MCPH1: variants seen among roughly 807,000 people sequenced by gnomAD.
MCPH1 encodes the protein microcephalin.
A neutral mutation model predicts 84.5 loss-of-function variants in MCPH1; 104 were observed. The observed-to-expected ratio is 1.23, with a 90% CI of 1.05 to 1.45. The LOEUF (loss-of-function observed/expected upper bound fraction) is 1.45. Ranked by LOEUF, MCPH1 falls within the 40% of genes most tolerant of loss-of-function variation. MCPH1 has a pLI of 0.00. For missense variants in MCPH1, 1,498 were observed against 1,005.7 expected, an observed-to-expected ratio of 1.49 and a Z score of -6.62; for synonymous variants, 514 against 366.8, an observed-to-expected ratio of 1.40 and a Z score of -4.58.
intron 12 of MCPH1, among the ~76,000 whole-genome samples, chr8:6,578,262 C>T (rs2129576879): frequency 6.6e-6 from 1 of 152,280 alleles, no homozygotes. Context: ...AAGCACTCAG[C>T]CAGAGCCTGC....
chr8:6,445,013 C>T lies in MCPH1; in HGVS notation c.1291C>T (p.Pro431Ser), dbSNP rs376658910. 2.8e-5 allele frequency: 45 copies of T among 1,614,086 alleles called. No homozygotes were observed. Among genetic ancestry groups the T allele is most frequent in the Non-Finnish European group, 3.6e-5 (42 of 1,180,048 alleles). The stretch of plus-strand genomic sequence containing the variant: ...GGAAAGGTATTCAGAGAATCTTCCT[C>T]CTGAATCTCAGCTGCCATCAAGCCC... ...LKERYSENLP[P>S]ESQLPSSPAQ... The change falls in exon 8 of 14, where the codon CCT becomes TCT. Residue 431 changes from proline to serine, a missense_variant. Coordinates refer to ENST00000344683, the MANE Select transcript of MCPH1 (RefSeq NM_024596.5).
At chr8:6,437,110 C>G (rs1045864675) in intron 5 of MCPH1, among the ~76,000 whole-genome samples, 6 of 152,130 alleles carry the variant, frequency 3.9e-5, no homozygotes, top group African/African-American at 1.4e-4. Context: ...ATTATGGTCA[C>G]TAGAAATTCC....
chr8:6,466,883 A>T (rs755303804), intron 9 of MCPH1, among the ~76,000 whole-genome samples: 35 of 152,208 alleles, frequency 2.3e-4, no homozygotes, highest in Non-Finnish European at 7.3e-5. Flanking sequence ...GCCCTCAATT[A>T]TATTTATTTC....
Position 6,443,941 on chromosome 8 carries a change from G to T in MCPH1, c.671-452G>T, listed in dbSNP as rs1054647803. ...TCACTTTTGAATATCAGTGTAATAC[G>T]AGGACTTTACTGGAAGACAGGGAAG... On this transcript the variant is annotated intron_variant, in intron 7 of 13. Coordinates refer to ENST00000344683, the MANE Select transcript of MCPH1 (RefSeq NM_024596.5). Among the ~76,000 whole-genome samples the T allele has an allele frequency of 5.3e-5, 8 of 152,118 alleles. No homozygotes were observed. The East Asian group carries it at 1.5e-3, about 29-fold the overall frequency.
chr8:6,547,168 C>G (rs189824307), intron 12 of MCPH1, among the ~76,000 whole-genome samples: 173 of 152,102 alleles, frequency 1.1e-3, no homozygotes, highest in Middle Eastern at 6.8e-3. Flanking sequence ...CCTCACCATC[C>G]TCACTTGCTC....
intron 13 of MCPH1, chr8:6,624,874 C>CTACT: frequency 1.1e-6 from 1 of 879,236 alleles, no homozygotes; most frequent in Non-Finnish European, 1.4e-6. Context: ...AAATCATATA[C>CTACT]TTTTTTTTTT....
chr8:6,477,668 G>C, intron 10 of MCPH1, 37 bp downstream of exon 10: 1 of 1,581,752 alleles, frequency 6.3e-7, no homozygotes. Flanking sequence ...AATGTAAAAT[G>C]TTAACCTTTT....
intron 12 of MCPH1, among the ~76,000 whole-genome samples, chr8:6,592,230 G>A (rs1031758163): frequency 2.6e-5 from 4 of 151,962 alleles, no homozygotes; most frequent in Admixed American, 6.6e-5. Context: ...CTGGCTCACT[G>A]CAGCTCAACC....
In MCPH1 at chr8:6,624,988, G is replaced by C. The variant is rs1831914492; in HGVS notation, c.2452+3297G>C. ...CCTCCTGGGTTCAAGTGATTCTTCT[G>C]CCTCAGCCTTCCCAGTAGCTGGAAT... On this transcript the variant is annotated intron_variant, in intron 13 of 13. Transcript: ENST00000344683. 3 of 567,916 alleles carry C rather than the reference G, an allele frequency of 5.3e-6. No individual in the cohort carries two copies. The South Asian group carries it at 2.4e-4, about 45-fold the overall frequency. The allele number at this position is 567,916 out of a possible 1,614,324, so 35.2% of individuals were successfully genotyped here. A position where few individuals can be genotyped will look rare whatever the true frequency, so the allele number is the denominator to read the frequency against.
chr8:6,538,720 A>G (rs10092206), intron 12 of MCPH1, among the ~76,000 whole-genome samples: 60,981 of 152,084 alleles, frequency 0.4, 12,788 homozygotes, highest in African/African-American at 0.53. Flanking sequence ...TATTTGTGTC[A>G]TTTCATTTTA....
At chr8:6,548,829 C>T (rs965746363) in intron 12 of MCPH1, among the ~76,000 whole-genome samples, 1 of 152,170 alleles carries the variant, frequency 6.6e-6, no homozygotes, top group Non-Finnish European at 1.5e-5. Context: ...AGCAGATAGG[C>T]CCTTGGGTCC....
chr8:6,564,509 T>G (rs10108504), intron 12 of MCPH1, among the ~76,000 whole-genome samples: 1 of 152,100 alleles, frequency 6.6e-6, no homozygotes, highest in African/African-American at 2.4e-5. Context: ...TAAAACTTAA[T>G]ACTTCAGAGA....
In MCPH1 at chr8:6,640,007, G is replaced by A. The variant is rs528690337; in HGVS notation, c.2453-2987G>A. On this transcript the variant is annotated intron_variant, in intron 13 of 13. Transcript: ENST00000344683. ...TCCCACCTTAGCCTCCCAAGTAGGC[G>A]GGACTACAGGCATGAACCCTGCAAT... 2.8e-4 allele frequency among the ~76,000 whole-genome samples: 42 copies of A among 151,720 alleles called. No homozygotes were observed. In the East Asian group the frequency reaches 6.4e-3, roughly 23 times the overall value.
chr8:6,427,733 A>G (rs2979657), intron 3 of MCPH1, among the ~76,000 whole-genome samples: 2,245 of 152,126 alleles, frequency 0.015, 58 homozygotes, highest in African/African-American at 0.05. Context: ...GAGGAAAAGA[A>G]AAAAAACACC....
At chr8:6,433,666 G>C (rs1802191864) in intron 4 of MCPH1, among the ~76,000 whole-genome samples, 1 of 145,884 alleles carries the variant, frequency 6.9e-6, no homozygotes, top group Admixed American at 6.8e-5. Context: ...CCTATTTCGT[G>C]ATACTCTGAC....
intron 3 of MCPH1, among the ~76,000 whole-genome samples, chr8:6,428,744 C>T (rs73196772): frequency 0.062 from 8,814 of 143,164 alleles, 340 homozygotes; most frequent in Non-Finnish European, 0.09. Context: ...CACGTGCGCA[C>T]GCACACACAC....
chr8:6,538,401 G>A (rs1421481385), intron 12 of MCPH1, among the ~76,000 whole-genome samples: 1 of 152,300 alleles, frequency 6.6e-6, no homozygotes, highest in African/African-American at 2.4e-5. Context: ...GTCAGAGTCA[G>A]GAATCCACAT....
intron 11 of MCPH1, among the ~76,000 whole-genome samples, chr8:6,485,047 C>T (rs138761701): frequency 2.3e-4 from 35 of 152,220 alleles, no homozygotes; most frequent in African/African-American, 7.9e-4. Flanking sequence ...AATATCTAGG[C>T]GGGGTGCAGT....
rs146054688 is a variant in MCPH1 at position 6,535,291 on chromosome 8, A to G, written c.2214+35362A>G. 2.3e-3 allele frequency among the ~76,000 whole-genome samples: 346 copies of G among 152,310 alleles called. 2 individuals are homozygous for G. The highest frequency in any genetic ancestry group is 7.7e-3 in the African/African-American group (320 of 41,556). ...TGCAACTCTCCAGAGATATGAGAGG[A>G]TTGTTTATAATTGAAAACTTAAAGT... is the stretch of plus-strand genomic sequence containing the variant. On this transcript the variant is annotated intron_variant, in intron 12 of 13. Coordinates refer to ENST00000344683, the MANE Select transcript of MCPH1 (RefSeq NM_024596.5).
Sources: allele counts gnomAD v4.1 joint callset (sites outside exome capture counted in the v4.1 genomes callset), GRCh38; gene constraint gnomAD v4.1.1; transcripts MANE v1.5; gene names NCBI Gene and HGNC (gene_info 2026-07-23, HGNC 2026-07-21).